ZNF148: variants seen among roughly 807,000 people sequenced by gnomAD.
ZNF148 encodes Beta-Enolase Repressor Factor-1.
Under a neutral mutation model 67.7 loss-of-function variants are expected in ZNF148, and 7 were observed. The observed-to-expected ratio is 0.10, with a 90% CI of 0.06 to 0.19. ZNF148 has a LOEUF of 0.19. ZNF148 is among the 10% of genes least tolerant of loss of function. The pLI is 1.00. For missense variants in ZNF148, 583 were observed against 947.1 expected (o/e 0.62, Z 5.05); for synonymous variants, 333 against 330.7 (o/e 1.01, Z -0.08).
At chr3:125,236,090 A>G (rs1476114083) in intron 7 of ZNF148, among the ~76,000 whole-genome samples, 1 of 59,694 alleles carries the variant, frequency 1.7e-5, no homozygotes, top group African/African-American at 1.2e-4. Context: ...CCTAAAACTT[A>G]AAGTATTAAA....
At position 125,230,317 on chromosome 3, in the gene ZNF148, T is replaced by C. The variant is rs1331657554; in HGVS notation, c.*2024A>G. On this transcript the variant is annotated 3_prime_UTR_variant, in exon 9 of 9. Coordinates refer to ENST00000360647, the MANE Select transcript of ZNF148 (RefSeq NM_021964.3). ...ACAGTTCCATTTTTAACGTATCACC[T>C]GAATGAAGCCTTTTTGTAATTATGT... is the stretch of plus-strand genomic sequence containing the variant. The C allele has an allele frequency of 6.6e-6, 1 of 152,566 alleles. No individual in the cohort carries two copies. The highest frequency in any genetic ancestry group is 1.5e-5 in the Non-Finnish European group (1 of 68,012). 9.5% of individuals were successfully genotyped at this position (152,566 alleles called of 1,614,324 possible). A position where few individuals can be genotyped will look rare whatever the true frequency, so the allele number is the denominator to read the frequency against.
At chr3:125,339,011 T>G (rs1204115422) in intron 1 of ZNF148, 1 of 152,192 alleles carries the variant, frequency 6.6e-6, no homozygotes, top group Non-Finnish European at 1.5e-5. Context: ...TAGAGAATAC[T>G]AAGAAGTAGC....
intron 1 of ZNF148, among the ~76,000 whole-genome samples, chr3:125,343,169 T>C (rs986414222): frequency 6.6e-5 from 10 of 152,196 alleles, no homozygotes; most frequent in Admixed American, 5.9e-4. Flanking sequence ...TTAAACACGA[T>C]GGAAAAGTAG....
rs534108771 is a variant in ZNF148 at position 125,370,102 on chromosome 3, TA to T, written c.-234+4999del. Among the ~76,000 whole-genome samples the T allele has an allele frequency of 1.7e-3, 248 of 145,692 alleles. 1 individual carries two copies. The highest frequency in any genetic ancestry group is 2.6e-3 in the Non-Finnish European group (168 of 65,856). Reference sequence around the variant, plus strand: ...CTAAAACAGTCATTTATGCCTGAGGTAAAAAAAAAAAATCTAAATTAAACCA... The same window carrying T: ...CTAAAACAGTCATTTATGCCTGAGGTAAAAAAAAAAATCTAAATTAAACCA... On this transcript the variant is annotated intron_variant, in intron 1 of 8. Coordinates refer to ENST00000360647, the MANE Select transcript of ZNF148 (RefSeq NM_021964.3).
At chr3:125,269,552 T>A (rs914353139) in intron 7 of ZNF148, among the ~76,000 whole-genome samples, 23 of 151,894 alleles carry the variant, frequency 1.5e-4, no homozygotes, top group African/African-American at 5.6e-4. Context: ...AGTCTGGAGA[T>A]TTCTCAAGGA....
At chr3:125,344,416 C>T in intron 1 of ZNF148, 1 of 737,070 alleles carries the variant, frequency 1.4e-6, no homozygotes, top group Non-Finnish European at 2.5e-6. Flanking sequence ...CCTCAGGGAC[C>T]CCATTCCAAA....
At chr3:125,331,372 G>A (rs1026293749) in intron 1 of ZNF148, 134 bp from the exon 2 acceptor site, 2 of 394,558 alleles carry the variant, frequency 5.1e-6, no homozygotes, top group Admixed American at 4.4e-5. Context: ...GATACTGTTA[G>A]AGTAAATAAA....
At chr3:125,254,538 GAC>G in intron 7 of ZNF148, among the ~76,000 whole-genome samples, 1 of 152,280 alleles carries the variant, frequency 6.6e-6, no homozygotes, top group East Asian at 1.9e-4. Flanking sequence ...CTGCTTAACA[GAC>G]ACACGTTTAA....
intron 1 of ZNF148, among the ~76,000 whole-genome samples, chr3:125,342,591 T>TAA (rs796332274): frequency 2.1e-5 from 3 of 141,920 alleles, no homozygotes; most frequent in African/African-American, 7.7e-5. Context: ...GAAGAAAAGT[T>TAA]AAAAAAAAAA....
chr3:125,296,207 C>T (rs1022168519), intron 4 of ZNF148, among the ~76,000 whole-genome samples: 2 of 151,870 alleles, frequency 1.3e-5, no homozygotes, highest in Non-Finnish European at 2.9e-5. Flanking sequence ...CTGCAACCTC[C>T]GCCTCCCAAG....
chr3:125,323,601 T>C (rs1940880214), intron 2 of ZNF148, among the ~76,000 whole-genome samples, 157 bp from the exon 3 acceptor site: 1 of 152,202 alleles, frequency 6.6e-6, no homozygotes, highest in Non-Finnish European at 1.5e-5. Flanking sequence ...TGTTTTTATG[T>C]TTGAAATTGG....
chr3:125,267,170 C>T (rs1429991428), intron 7 of ZNF148, among the ~76,000 whole-genome samples: 2 of 151,414 alleles, frequency 1.3e-5, no homozygotes, highest in Admixed American at 6.6e-5. Context: ...TGAAACCATT[C>T]CAAAAAATCA....
At chr3:125,240,231 C>T (rs997613608) in intron 7 of ZNF148, among the ~76,000 whole-genome samples, 1 of 152,092 alleles carries the variant, frequency 6.6e-6, no homozygotes. Context: ...CAGCGCCTCA[C>T]GTCTGTCATC....
In ZNF148 at chr3:125,232,867, T is replaced by A; in HGVS notation, c.1859A>T (p.Asp620Val). 6.2e-7 allele frequency: 1 copy of A among 1,613,848 alleles called. No homozygotes were observed. Among genetic ancestry groups the A allele is most frequent in the Non-Finnish European group, 8.5e-7 (1 of 1,179,824 alleles). Residue 620 changes from aspartate to valine, a missense_variant, in exon 9 of 9, where the codon GAT (aspartate) becomes GTT (valine). This residue lies in a region of ZNF148 where 158 missense variants were observed against 208.4 expected (regional missense o/e 0.76). Transcript: ENST00000360647. This position sits in a 1 kb window ranked among gnomAD's most constrained non-coding sequence, Gnocchi z 4.2. Reference protein sequence around the residue: ...QQALDRTSQNDAYLNSPSLNF... With the variant: ...QQALDRTSQNVAYLNSPSLNF... The stretch of plus-strand genomic sequence containing the variant: ...AAGGCTCGGGCTATTCAAATAGGCA[T>A]CATTTTGGCTAGTTCTGTCCAAAGC...
chr3:125,340,573 A>G (rs531974936), intron 1 of ZNF148, among the ~76,000 whole-genome samples: 62 of 152,358 alleles, frequency 4.1e-4, no homozygotes, highest in African/African-American at 1.4e-3. Context: ...GAGCTCCAGT[A>G]GGATCAAACA....
At chr3:125,268,516 G>A (rs1937591609) in intron 7 of ZNF148, among the ~76,000 whole-genome samples, 1 of 152,132 alleles carries the variant, frequency 6.6e-6, no homozygotes, top group African/African-American at 2.4e-5. Flanking sequence ...CCAAAAGAAT[G>A]AAAGTGGACT....
At chr3:125,293,787 C>T (rs764358454) in intron 4 of ZNF148, among the ~76,000 whole-genome samples, 13 of 151,934 alleles carry the variant, frequency 8.6e-5, no homozygotes, top group Non-Finnish European at 1.9e-4. Context: ...AGAAGGAATG[C>T]GGAAAAGACA....
Position 125,230,922 on chromosome 3 carries a change from AGTGT to A in ZNF148, c.*1415_*1418del, listed in dbSNP as rs951102582. 2.6e-5 allele frequency: 4 copies of A among 152,294 alleles called. No individual in the cohort carries two copies. Among genetic ancestry groups the A allele is most frequent in the Non-Finnish European group, 4.4e-5 (3 of 67,898 alleles). The allele number at this position is 152,294 out of a possible 1,614,324, so 9.4% of individuals were successfully genotyped here. A position where few individuals can be genotyped will look rare whatever the true frequency, so the allele number is the denominator to read the frequency against. On this transcript the variant is annotated 3_prime_UTR_variant, in exon 9 of 9. Transcript: ENST00000360647. The stretch of plus-strand genomic sequence containing the variant: ...AACTCAAACCATCATTCTTCAGAAA[AGTGT>A]GTGTGTGTATATATACATAAAAGCA...
intron 1 of ZNF148, among the ~76,000 whole-genome samples, chr3:125,363,964 CCTAA>C (rs1942624837): frequency 6.6e-6 from 1 of 152,108 alleles, no homozygotes; most frequent in Non-Finnish European, 1.5e-5. Context: ...CACACTTTTT[CCTAA>C]CTTTGTCTCC....
Sources: gnomAD v4.1 joint callset for allele counts (sites outside exome capture counted in the v4.1 genomes callset) on GRCh38, gnomAD v4.1.1 for gene constraint, gnomAD v4.1.1 regional missense constraint, Gnocchi (gnomAD v3.1) non-coding constraint, MANE v1.5 for transcripts, NCBI Gene and HGNC (gene_info 2026-07-23, HGNC 2026-07-21) for gene names.